AGBL4: variants seen among roughly 807,000 people sequenced by gnomAD.
AGBL4 encodes the protein AGBL carboxypeptidase 4, also known as cytosolic carboxypeptidase 6.
A neutral mutation model predicts 66.4 loss-of-function variants in AGBL4; 58 were observed. That is an observed-to-expected ratio of 0.87 (90% CI 0.71 to 1.09). The LOEUF (loss-of-function observed/expected upper bound fraction) is 1.09, where lower values mean the gene tolerates loss of function less well. Among genes scored for constraint, AGBL4 ranks in the 50% least tolerant of loss-of-function variants. The pLI is 0.00. For synonymous variants in AGBL4, 234 were observed against 222.9 expected (o/e 1.05, Z -0.44); for missense variants, 579 against 631.0 (o/e 0.92, Z 0.88).
At chr1:49,271,821 C>T (rs1000298717) in intron 3 of AGBL4, among the ~76,000 whole-genome samples, 2 of 152,092 alleles carry the variant, frequency 1.3e-5, no homozygotes, top group African/African-American at 4.8e-5. Flanking sequence ...ATTTGTGGGG[C>T]CTTCTATTTT....
intron 6 of AGBL4, among the ~76,000 whole-genome samples, chr1:48,789,492 T>C (rs1274985697): frequency 2.0e-5 from 3 of 152,174 alleles, no homozygotes; most frequent in Non-Finnish European, 4.4e-5. Context: ...GGTTTCACCA[T>C]GTTAGCCAGG....
chr1:49,738,940 C>A (rs1426314621), intron 2 of AGBL4, among the ~76,000 whole-genome samples: 10 of 152,288 alleles, frequency 6.6e-5, no homozygotes, highest in African/African-American at 2.4e-4. Context: ...GTAGATAAAA[C>A]CACAAAGATG....
intron 3 of AGBL4, among the ~76,000 whole-genome samples, chr1:49,401,334 G>T (rs1645081566): frequency 1.3e-5 from 2 of 152,054 alleles, no homozygotes; most frequent in Non-Finnish European, 2.9e-5. Context: ...GTCTCCACCT[G>T]GTCTCATCCT....
chr1:48,665,420 A>C (rs959924441), intron 6 of AGBL4, among the ~76,000 whole-genome samples: 1 of 152,238 alleles, frequency 6.6e-6, no homozygotes, highest in African/African-American at 2.4e-5. Context: ...TAATAAATAA[A>C]AATACTTGTG....
At chr1:49,084,819 A>C (rs972580872) in intron 4 of AGBL4, among the ~76,000 whole-genome samples, 21 of 152,192 alleles carry the variant, frequency 1.4e-4, no homozygotes, top group African/African-American at 5.1e-4. Flanking sequence ...GTTCCAAATC[A>C]ATGATTGGCT....
At chr1:50,011,570 A>G (rs969464832) in intron 1 of AGBL4, among the ~76,000 whole-genome samples, 65 of 152,358 alleles carry the variant, frequency 4.3e-4, no homozygotes, top group African/African-American at 1.5e-3. Context: ...TATTGAGGAA[A>G]TATCTGCACT....
chr1:48,915,458 A>G (rs1653504223), intron 5 of AGBL4, among the ~76,000 whole-genome samples: 1 of 152,102 alleles, frequency 6.6e-6, no homozygotes, highest in Non-Finnish European at 1.5e-5. Context: ...GTATTTTCCT[A>G]TTTGTTTATA....
At chr1:48,565,916 C>A (rs1391103361) in intron 11 of AGBL4, among the ~76,000 whole-genome samples, 1 of 152,144 alleles carries the variant, frequency 6.6e-6, no homozygotes, top group Admixed American at 6.5e-5. Context: ...CTAATTGCTC[C>A]TTTCTTGACT....
chr1:48,993,477 T>C (rs903055524), intron 5 of AGBL4, among the ~76,000 whole-genome samples: 1 of 152,112 alleles, frequency 6.6e-6, no homozygotes, highest in African/African-American at 2.4e-5. Context: ...CTGTGAGCTG[T>C]GGGGAAGGGA....
intron 5 of AGBL4, among the ~76,000 whole-genome samples, chr1:49,007,906 C>T (rs1453608678): frequency 1.3e-5 from 2 of 150,602 alleles, no homozygotes; most frequent in Admixed American, 6.6e-5. Context: ...ACAACCAGTA[C>T]CAGCCACTGC....
chr1:48,876,125 C>T (rs1558058327), intron 5 of AGBL4, among the ~76,000 whole-genome samples: 1 of 152,150 alleles, frequency 6.6e-6, no homozygotes, highest in Non-Finnish European at 1.5e-5. Context: ...TCTCTATTAA[C>T]TTGTGTTTAT....
At chr1:49,212,891 C>T (rs946620988) in intron 4 of AGBL4, among the ~76,000 whole-genome samples, 4 of 152,038 alleles carry the variant, frequency 2.6e-5, no homozygotes, top group Admixed American at 6.6e-5. Flanking sequence ...CCATCCTTTA[C>T]GCATGTTAAA....
At chr1:49,024,453 C>T (rs540573820) in intron 5 of AGBL4, among the ~76,000 whole-genome samples, 74 of 152,254 alleles carry the variant, frequency 4.9e-4, no homozygotes, top group African/African-American at 1.8e-3. Context: ...ATGTTCCTTT[C>T]TCATTCCTCA....
intron 1 of AGBL4, among the ~76,000 whole-genome samples, chr1:49,960,623 T>A (rs181464664): frequency 5.3e-4 from 80 of 152,250 alleles, no homozygotes; most frequent in Non-Finnish European, 8.2e-4. Context: ...CTAATTACCC[T>A]GATCTAATCA....
intron 1 of AGBL4, among the ~76,000 whole-genome samples, chr1:49,868,190 A>T (rs887262404): frequency 6.6e-6 from 1 of 152,178 alleles, no homozygotes; most frequent in African/African-American, 2.4e-5. Flanking sequence ...ATGGAAATGA[A>T]CATACTGCCC....
In AGBL4 at chr1:49,479,827, A is replaced by G. The variant is rs376036435; in HGVS notation, c.282+217486T>C. On this transcript the variant is annotated intron_variant, in intron 3 of 13. Coordinates refer to ENST00000371839, the MANE Select transcript of AGBL4 (RefSeq NM_032785.4). ...CACCATTCTCCTGCCTCAGCCTCCC[A>G]AGTGGGAGTGGCTGGGACTACAGGC... is the stretch of plus-strand genomic sequence containing the variant. Among the ~76,000 whole-genome samples the G allele has an allele frequency of 3.5e-4, 52 of 150,140 alleles. 1 individual carries two copies. In the South Asian group the frequency reaches 9.7e-3, roughly 28 times the overall value.
intron 2 of AGBL4, among the ~76,000 whole-genome samples, chr1:49,742,727 G>A (rs1336770932): frequency 6.6e-6 from 1 of 151,646 alleles, no homozygotes; most frequent in African/African-American, 2.4e-5. Context: ...GAACAGAACA[G>A]AGCCCTCGGA....
intron 6 of AGBL4, chr1:48,742,584 A>C: frequency 1.4e-6 from 2 of 1,467,910 alleles, no homozygotes; most frequent in Non-Finnish European, 1.8e-6. Flanking sequence ...CTGACTAACA[A>C]ACACTTGCAG....
chr1:49,156,124 C>A (rs1415247495), intron 4 of AGBL4, among the ~76,000 whole-genome samples: 4 of 152,154 alleles, frequency 2.6e-5, no homozygotes, highest in Non-Finnish European at 4.4e-5. Context: ...TTGACTTCAA[C>A]CTGGTCATGC....
Sources: gnomAD v4.1 joint callset for allele counts (sites outside exome capture counted in the v4.1 genomes callset) on GRCh38, gnomAD v4.1.1 for gene constraint, MANE v1.5 for transcripts, NCBI Gene and HGNC (gene_info 2026-07-23, HGNC 2026-07-21) for gene names.